The following ARHGEF38 variants were observed in gnomAD, a reference collection of about 807,000 sequenced individuals.
ARHGEF38 encodes Rho guanine nucleotide exchange factor 38.
A neutral mutation model predicts 79.9 loss-of-function variants in ARHGEF38; 79 were observed. The ratio of observed to expected loss-of-function variants is 0.99; its 90% CI spans 0.82 to 1.19. The LOEUF is 1.19. Ranked by LOEUF, ARHGEF38 falls within the 50% of genes most tolerant of loss-of-function variation. The pLI is 0.00. For missense variants in ARHGEF38, 962 were observed against 907.2 expected, an observed-to-expected ratio of 1.06 and a Z score of -0.78; for synonymous variants, 366 against 328.3, an observed-to-expected ratio of 1.11 and a Z score of -1.24.
intron 1 of ARHGEF38, among the ~76,000 whole-genome samples, chr4:105,579,355 T>C (rs548886617): frequency 8.6e-4 from 131 of 152,340 alleles, no homozygotes; most frequent in Admixed American, 1.5e-3. Context: ...TAGTATGTTG[T>C]TGGCTGTGGG....
chr4:105,608,844 A>G (rs566495146), intron 2 of ARHGEF38, among the ~76,000 whole-genome samples: 4 of 152,030 alleles, frequency 2.6e-5, no homozygotes, highest in African/African-American at 9.6e-5. Context: ...AGTTTTGCCC[A>G]TGTTTTAATG....
intron 5 of ARHGEF38, among the ~76,000 whole-genome samples, chr4:105,637,593 G>A (rs938771330): frequency 2.6e-4 from 39 of 152,114 alleles, no homozygotes; most frequent in Admixed American, 6.6e-5. Flanking sequence ...TCATTATACA[G>A]CCTGTGTCCC....
chr4:105,552,634 A>C lies in ARHGEF38; in HGVS notation c.-132A>C. On this transcript the variant is annotated 5_prime_UTR_variant, in exon 1 of 14. Transcript: ENST00000420470. ...GAGGTGGTGGCAGTCACAGCCAGGTAACCCTGGAGTGAAGCGGTTTAGTTA... is the reference window on the plus strand; with the variant it reads ...GAGGTGGTGGCAGTCACAGCCAGGTCACCCTGGAGTGAAGCGGTTTAGTTA... The C allele has an allele frequency of 2.5e-5, 16 of 627,958 alleles. No individual in the cohort carries two copies. The highest frequency in any genetic ancestry group is 3.9e-5 in the Non-Finnish European group (15 of 386,166). 38.9% of individuals were successfully genotyped at this position (627,958 alleles called of 1,614,324 possible). A position where few individuals can be genotyped will look rare whatever the true frequency, so the allele number is the denominator to read the frequency against.
intron 2 of ARHGEF38, among the ~76,000 whole-genome samples, chr4:105,592,425 C>T (rs946941530): frequency 5.9e-5 from 9 of 152,022 alleles, no homozygotes; most frequent in Admixed American, 3.9e-4. Flanking sequence ...CTGATGGCAC[C>T]GAGACCTCCA....
intron 1 of ARHGEF38, among the ~76,000 whole-genome samples, chr4:105,561,419 A>AGAATGGAATGGAATGGAATGGAATG (rs1401158972): frequency 2.2e-5 from 1 of 46,048 alleles, no homozygotes; most frequent in Non-Finnish European, 4.2e-5. Flanking sequence ...AGAATAGAAT[A>AGAATGGAATGGAATGGAATGGAATG]GAATGGAATA....
chr4:105,637,048 G>A (rs1298500849), intron 5 of ARHGEF38, among the ~76,000 whole-genome samples: 4 of 152,054 alleles, frequency 2.6e-5, no homozygotes, highest in African/African-American at 4.8e-5. Context: ...GGATGAAATT[G>A]ACTTCAATAC....
intron 13 of ARHGEF38, among the ~76,000 whole-genome samples, chr4:105,676,405 G>A (rs1731118111): frequency 6.6e-6 from 1 of 151,854 alleles, no homozygotes; most frequent in Non-Finnish European, 1.5e-5. Flanking sequence ...GGTGTGTTTT[G>A]TTTTGTTCAC....
intron 3 of ARHGEF38, 85 bp downstream of exon 3, chr4:105,613,592 G>A: frequency 6.8e-7 from 1 of 1,460,136 alleles, no homozygotes; most frequent in Non-Finnish European, 9.4e-7. Context: ...TTTTGTTCCT[G>A]ACTCACCATG....
chr4:105,598,494 T>C (rs1178411587), intron 2 of ARHGEF38, among the ~76,000 whole-genome samples: 1 of 152,240 alleles, frequency 6.6e-6, no homozygotes, highest in Non-Finnish European at 1.5e-5. Flanking sequence ...TTTCTCATTC[T>C]ACTTTGTATT....
chr4:105,677,059 G>A lies in ARHGEF38; in HGVS notation c.2149-693G>A, dbSNP rs948826858. Among the ~76,000 whole-genome samples, 9 of 151,930 alleles carry A rather than the reference G, an allele frequency of 5.9e-5. No homozygotes were observed. In the South Asian group the frequency reaches 1.9e-3, roughly 31 times the overall value. ...GCTCACTGCAACCACCGCCTCCCGG[G>A]TTCAAGCTATTCTCCTGCCTCAGCC... On this transcript the variant is annotated intron_variant, in intron 13 of 13. Transcript: ENST00000420470.
At chr4:105,564,274 C>T (rs183773222) in intron 1 of ARHGEF38, among the ~76,000 whole-genome samples, 17 of 152,120 alleles carry the variant, frequency 1.1e-4, no homozygotes, top group African/African-American at 3.1e-4. Flanking sequence ...TAATATGATA[C>T]GTATATTAGA....
intron 11 of ARHGEF38, 147 bp from the exon 12 acceptor site, chr4:105,666,982 C>T (rs1578363397): frequency 1.4e-6 from 1 of 699,486 alleles, no homozygotes; most frequent in East Asian, 2.7e-5. Flanking sequence ...ACGATAATAG[C>T]CTGCTCTATG....
rs912345600 is a variant in ARHGEF38 at position 105,666,310 on chromosome 4, T to G, written c.1679T>G (p.Val560Gly). ...RKLSFEKKKP[V>G]QILPEMPHQT... The stretch of plus-strand genomic sequence containing the variant: ...CTCAGTTTTGAAAAGAAGAAACCTG[T>G]GCAGATTCTGGTGAGTTTGGCAGCA... The change falls in exon 11 of 14, where the codon GTG (valine) becomes GGG (glycine). Residue 560 changes from valine (V) to glycine (G), a missense_variant. Coordinates refer to ENST00000420470, the MANE Select transcript of ARHGEF38 (RefSeq NM_001242729.2). The G allele has an allele frequency of 2.6e-6, 4 of 1,526,288 alleles. No homozygotes were observed. Among genetic ancestry groups the G allele is most frequent in the Non-Finnish European group, 3.5e-6 (4 of 1,143,616 alleles). 94.5% of individuals were successfully genotyped at this position (1,526,288 alleles called of 1,614,324 possible).
At chr4:105,588,964 G>A (rs1477171973) in intron 1 of ARHGEF38, among the ~76,000 whole-genome samples, 1 of 152,132 alleles carries the variant, frequency 6.6e-6, no homozygotes, top group Admixed American at 6.5e-5. Context: ...TGATCTCCAG[G>A]CTGAATACCG....
chr4:105,601,055 T>C (rs531780853), intron 2 of ARHGEF38, among the ~76,000 whole-genome samples: 1 of 152,246 alleles, frequency 6.6e-6, no homozygotes, highest in African/African-American at 2.4e-5. Context: ...GTGATCCTTT[T>C]AAAATATCAG....
intron 1 of ARHGEF38, among the ~76,000 whole-genome samples, chr4:105,572,363 C>T (rs1476111528): frequency 1.3e-5 from 2 of 152,022 alleles, no homozygotes. Flanking sequence ...TTCATTTTCC[C>T]CCTAATTTTT....
chr4:105,623,660 A>T (rs1052741186), intron 3 of ARHGEF38, among the ~76,000 whole-genome samples: 4 of 152,228 alleles, frequency 2.6e-5, no homozygotes, highest in African/African-American at 9.7e-5. Context: ...TATCATCAAA[A>T]TATGCAGCTG....
At chr4:105,588,014 C>T (rs575647033) in intron 1 of ARHGEF38, among the ~76,000 whole-genome samples, 10 of 152,252 alleles carry the variant, frequency 6.6e-5, no homozygotes, top group Admixed American at 3.9e-4. Flanking sequence ...AGTTAGTGGA[C>T]CAGAGAGAGA....
At position 105,668,653 on chromosome 4, in the gene ARHGEF38, T is replaced by C. The variant is rs1730845703; in HGVS notation, c.2148+950T>C. Among the ~76,000 whole-genome samples the C allele has an allele frequency of 2.1e-5, 3 of 145,064 alleles. No homozygotes were observed. In the South Asian group the frequency reaches 6.5e-4, roughly 32 times the overall value. ...TTTATTTTTATAGAGGTTATGTATATGTATATGTGTAGATAGATAGATAGA... is the reference window on the plus strand; with the variant it reads ...TTTATTTTTATAGAGGTTATGTATACGTATATGTGTAGATAGATAGATAGA... On this transcript the variant is annotated intron_variant, in intron 13 of 13. Coordinates refer to ENST00000420470, the MANE Select transcript of ARHGEF38 (RefSeq NM_001242729.2).
Sources: gnomAD v4.1 joint callset for allele counts (sites outside exome capture counted in the v4.1 genomes callset) on GRCh38, gnomAD v4.1.1 for gene constraint, MANE v1.5 for transcripts, NCBI Gene and HGNC (gene_info 2026-07-23, HGNC 2026-07-21) for gene names.